Variants in FANCC observed in about 807,000 individuals in gnomAD.
The protein encoded by FANCC is FA complementation group C.
Under a neutral mutation model 71.3 loss-of-function variants are expected in FANCC, and 55 were observed. The observed-to-expected ratio is 0.77, with a 90% CI of 0.62 to 0.97. The LOEUF is 0.97. FANCC is among the 50% of genes least tolerant of loss of function. The pLI is 0.00. For missense variants in FANCC, 678 were observed against 670.9 expected (o/e 1.01, Z -0.12); for synonymous variants, 275 against 244.9 (o/e 1.12, Z -1.15).
At chr9:95,315,976 C>CAATCAATCA (rs1835715392) in intron 1 of FANCC, among the ~76,000 whole-genome samples, 1 of 152,168 alleles carries the variant, frequency 6.6e-6, no homozygotes, top group Admixed American at 6.5e-5. Context: ...CACAACCAGC[C>CAATCAATCA]AATCAATCAA....
At chr9:95,303,159 C>A (rs754193634) in intron 1 of FANCC, among the ~76,000 whole-genome samples, 53 of 152,186 alleles carry the variant, frequency 3.5e-4, no homozygotes, top group Non-Finnish European at 4.0e-4. Context: ...CTGCATGTGG[C>A]TTCTGAACGC....
intron 13 of FANCC, among the ~76,000 whole-genome samples, chr9:95,108,857 T>C (rs566740573): frequency 6.6e-6 from 1 of 152,252 alleles, no homozygotes; most frequent in South Asian, 2.1e-4. Flanking sequence ...CTCTCCATAA[T>C]GTACTATAAG....
intron 1 of FANCC, among the ~76,000 whole-genome samples, chr9:95,252,851 C>A (rs1283599600): frequency 1.3e-5 from 2 of 150,734 alleles, no homozygotes; most frequent in African/African-American, 4.9e-5. Flanking sequence ...GAGTTTGAGA[C>A]CAGCCTGGGC....
chr9:95,305,527 G>C (rs554879), intron 1 of FANCC, among the ~76,000 whole-genome samples: 92,103 of 152,046 alleles, frequency 0.61, 28,121 homozygotes, highest in East Asian at 0.77. Flanking sequence ...ATTCTAAAAT[G>C]TCACACTAAT....
intron 4 of FANCC, among the ~76,000 whole-genome samples, chr9:95,231,992 T>C (rs1359420618): frequency 6.6e-6 from 1 of 152,232 alleles, no homozygotes; most frequent in Admixed American, 6.5e-5. Flanking sequence ...ATTTATGAAG[T>C]AATTATAAAG....
chr9:95,174,406 C>T (rs986752132), intron 4 of FANCC, among the ~76,000 whole-genome samples: 1 of 152,104 alleles, frequency 6.6e-6, no homozygotes, highest in Non-Finnish European at 1.5e-5. Context: ...GATTAAGTTT[C>T]AACACATGAA....
chr9:95,174,376 CTTAATA>C (rs1407428440), intron 4 of FANCC, among the ~76,000 whole-genome samples: 1 of 152,146 alleles, frequency 6.6e-6, no homozygotes, highest in Non-Finnish European at 1.5e-5. Context: ...CAAAGCCCCT[CTTAATA>C]TTATCACATG....
chr9:95,176,602 C>G (rs769480552), intron 4 of FANCC, among the ~76,000 whole-genome samples: 3 of 152,228 alleles, frequency 2.0e-5, no homozygotes. Flanking sequence ...ACTATGTTCT[C>G]TAAGTGTGGC....
intron 4 of FANCC, among the ~76,000 whole-genome samples, chr9:95,189,982 C>G (rs1826985463): frequency 6.6e-6 from 1 of 152,210 alleles, no homozygotes; most frequent in Non-Finnish European, 1.5e-5. Flanking sequence ...CATCCTTGGT[C>G]ATTTTGCTTG....
intron 4 of FANCC, among the ~76,000 whole-genome samples, chr9:95,180,373 G>T (rs1288637534): frequency 7.6e-6 from 1 of 130,840 alleles, no homozygotes; most frequent in Non-Finnish European, 1.6e-5. Context: ...TTGAGACAGG[G>T]TATTGCTCTG....
At chr9:95,263,870 G>C (rs1455770094) in intron 1 of FANCC, among the ~76,000 whole-genome samples, 1 of 152,152 alleles carries the variant, frequency 6.6e-6, no homozygotes, top group Non-Finnish European at 1.5e-5. Flanking sequence ...GTAGGAACAG[G>C]TATATTATGG....
intron 4 of FANCC, among the ~76,000 whole-genome samples, chr9:95,190,740 T>C (rs929417433): frequency 3.3e-5 from 5 of 152,210 alleles, no homozygotes; most frequent in African/African-American, 1.2e-4. Flanking sequence ...GTACACCGCA[T>C]GCTACACATT....
rs969263505 is a variant in FANCC at position 95,099,619 on chromosome 9, C to A, written c.*2088G>T. ...CAGCTCCCCACCTTTGAGCATCTCT[C>A]AGGCTGGGAAAGGGCAAAGGGCCAC... On this transcript the variant is annotated 3_prime_UTR_variant, in exon 15 of 15. Coordinates refer to ENST00000289081, the MANE Select transcript of FANCC (RefSeq NM_000136.3). 2 of 231,300 alleles carry A rather than the reference C, an allele frequency of 8.6e-6. No homozygotes were observed. Among genetic ancestry groups the A allele is most frequent in the Admixed American group, 5.7e-5 (1 of 17,670 alleles). 14.3% of individuals were successfully genotyped at this position (231,300 alleles called of 1,614,324 possible). A position where few individuals can be genotyped will look rare whatever the true frequency, so the allele number is the denominator to read the frequency against.
chr9:95,167,439 G>T (rs977966879), intron 6 of FANCC, among the ~76,000 whole-genome samples: 2 of 152,100 alleles, frequency 1.3e-5, no homozygotes, highest in African/African-American at 4.8e-5. Context: ...CAAAATGTGT[G>T]TATTGTTCCA....
At chr9:95,212,719 A>G (rs1421976336) in intron 4 of FANCC, among the ~76,000 whole-genome samples, 2 of 152,186 alleles carry the variant, frequency 1.3e-5, no homozygotes, top group Non-Finnish European at 2.9e-5. Context: ...TTACTTGTCA[A>G]TGTTCTTAAA....
chr9:95,114,408 T>C (rs1012819358), intron 12 of FANCC: 3 of 627,710 alleles, frequency 4.8e-6, no homozygotes, highest in African/African-American at 1.8e-5. Context: ...ATACAGGTAT[T>C]GGCACATGCA....
chr9:95,234,672 G>GAC (rs145969486), intron 4 of FANCC, among the ~76,000 whole-genome samples: 22 of 151,928 alleles, frequency 1.4e-4, no homozygotes, highest in East Asian at 3.9e-4. Flanking sequence ...CAATAAGATA[G>GAC]ACACACACAC....
intron 4 of FANCC, among the ~76,000 whole-genome samples, chr9:95,238,907 A>G (rs1830477111): frequency 6.6e-6 from 1 of 152,092 alleles, no homozygotes; most frequent in Non-Finnish European, 1.5e-5. Flanking sequence ...TGTCATCAAG[A>G]TAAAAACCTT....
chr9:95,162,475 A>G (rs534697215), intron 6 of FANCC, among the ~76,000 whole-genome samples: 1 of 152,326 alleles, frequency 6.6e-6, no homozygotes, highest in South Asian at 2.1e-4. Flanking sequence ...ATACACAAAT[A>G]TGGGATTGCT....
Sources: allele counts gnomAD v4.1 joint callset (sites outside exome capture counted in the v4.1 genomes callset), GRCh38; gene constraint gnomAD v4.1.1; transcripts MANE v1.5; gene names NCBI Gene and HGNC (gene_info 2026-07-23, HGNC 2026-07-21).